The following TMEM132C variants were observed in gnomAD, a reference collection of about 807,000 sequenced individuals.
TMEM132C encodes protein phosphatase 1, regulatory subunit 152.
Under a neutral mutation model 61.4 loss-of-function variants are expected in TMEM132C, and 29 were observed. That is an observed-to-expected ratio of 0.47 (90% CI 0.35 to 0.64). The LOEUF (loss-of-function observed/expected upper bound fraction) is 0.64. Among genes scored for constraint, TMEM132C ranks in the 30% least tolerant of loss-of-function variants. The pLI, the probability that TMEM132C is intolerant of heterozygous loss-of-function variation, is 0.00. For missense variants in TMEM132C, 1,408 were observed against 1,476.9 expected, an observed-to-expected ratio of 0.95 and a Z score of 0.76; for synonymous variants, 656 against 633.1, an observed-to-expected ratio of 1.04 and a Z score of -0.54.
At chr12:128,445,734 G>C (rs778439615) in intron 2 of TMEM132C, among the ~76,000 whole-genome samples, 2 of 152,232 alleles carry the variant, frequency 1.3e-5, no homozygotes, top group Non-Finnish European at 2.9e-5. Context: ...CAGTGCCCTG[G>C]CACTTGCTGA....
At chr12:128,661,047 AGAT>A (rs756323571) in intron 4 of TMEM132C, among the ~76,000 whole-genome samples, 5 of 152,118 alleles carry the variant, frequency 3.3e-5, no homozygotes, top group Non-Finnish European at 4.4e-5. Flanking sequence ...TAGATTGGAT[AGAT>A]GATAGACACA....
intron 4 of TMEM132C, among the ~76,000 whole-genome samples, chr12:128,637,306 C>T (rs1239751918): frequency 3.3e-5 from 5 of 152,246 alleles, no homozygotes; most frequent in Middle Eastern, 3.4e-3. Flanking sequence ...TAAGTCATCC[C>T]GAAAGCTCTG....
At chr12:128,507,574 C>T (rs1872417593) in intron 2 of TMEM132C, among the ~76,000 whole-genome samples, 1 of 152,058 alleles carries the variant, frequency 6.6e-6, no homozygotes, top group African/African-American at 2.4e-5. Context: ...TGAAAAATCT[C>T]CGTGAGTCCC....
At chr12:128,650,994 G>C (rs1003679048) in intron 4 of TMEM132C, among the ~76,000 whole-genome samples, 3 of 152,070 alleles carry the variant, frequency 2.0e-5, no homozygotes, top group Non-Finnish European at 4.4e-5. Context: ...CAGCAGCATG[G>C]GTATAAATCT....
intron 2 of TMEM132C, among the ~76,000 whole-genome samples, chr12:128,507,140 G>C (rs1180245586): frequency 6.6e-6 from 1 of 152,074 alleles, no homozygotes; most frequent in Non-Finnish European, 1.5e-5. Flanking sequence ...ATCAGTCTGA[G>C]TTGGGTTTCT....
chr12:128,597,814 G>A (rs187016166), intron 3 of TMEM132C, among the ~76,000 whole-genome samples: 2 of 152,220 alleles, frequency 1.3e-5, no homozygotes, highest in South Asian at 4.1e-4. Context: ...TAAGGTGTCT[G>A]CCTGAGGCGG....
At chr12:128,413,827 G>C (rs756977488) in intron 1 of TMEM132C, among the ~76,000 whole-genome samples, 10 of 151,874 alleles carry the variant, frequency 6.6e-5, no homozygotes, top group Non-Finnish European at 1.3e-4. Context: ...CTTTATTTAT[G>C]GTATTTTTGT....
At chr12:128,611,716 G>A (rs892010766) in intron 3 of TMEM132C, among the ~76,000 whole-genome samples, 2 of 152,276 alleles carry the variant, frequency 1.3e-5, no homozygotes, top group East Asian at 3.9e-4. Flanking sequence ...TCTGAGCTAC[G>A]CTATAGCTAA....
intron 3 of TMEM132C, among the ~76,000 whole-genome samples, chr12:128,546,214 T>C (rs1565969886): frequency 2.0e-5 from 3 of 152,182 alleles, no homozygotes; most frequent in Admixed American, 1.3e-4. Context: ...TGTGAAAACA[T>C]GGCCAGAAAG....
At chr12:128,401,419 A>G (rs59269273) in intron 1 of TMEM132C, among the ~76,000 whole-genome samples, 20,009 of 151,978 alleles carry the variant, frequency 0.13, 2,704 homozygotes, top group African/African-American at 0.33. Context: ...ATTTTAACAG[A>G]TATATCTAGA....
intron 1 of TMEM132C, among the ~76,000 whole-genome samples, chr12:128,286,204 T>C (rs1314172578): frequency 6.6e-6 from 1 of 152,226 alleles, no homozygotes; most frequent in Non-Finnish European, 1.5e-5. Flanking sequence ...ATGTGGCCTC[T>C]GAGAGCTCCT....
intron 1 of TMEM132C, among the ~76,000 whole-genome samples, chr12:128,385,560 C>T (rs998699322): frequency 7.2e-5 from 11 of 152,200 alleles, no homozygotes; most frequent in African/African-American, 2.7e-4. Context: ...CTATAAGAGA[C>T]CTGAGCCCGT....
intron 2 of TMEM132C, among the ~76,000 whole-genome samples, chr12:128,483,181 T>C (rs377081346): frequency 6.7e-6 from 1 of 149,302 alleles, no homozygotes; most frequent in Non-Finnish European, 1.5e-5. Flanking sequence ...GGTGGGGCGA[T>C]TGCTTGAGTC....
intron 2 of TMEM132C, among the ~76,000 whole-genome samples, chr12:128,419,347 C>T (rs1593046774): frequency 6.6e-6 from 1 of 152,238 alleles, no homozygotes; most frequent in South Asian, 2.1e-4. Context: ...ATAAAATGAG[C>T]ATTATGAACA....
intron 2 of TMEM132C, among the ~76,000 whole-genome samples, chr12:128,484,706 C>G (rs1446919236): frequency 2.6e-5 from 4 of 152,164 alleles, no homozygotes; most frequent in Non-Finnish European, 2.9e-5. Context: ...CCTGTAATCT[C>G]AGCACTTTGG....
intron 3 of TMEM132C, among the ~76,000 whole-genome samples, chr12:128,572,906 C>T (rs943752084): frequency 6.6e-6 from 1 of 152,228 alleles, no homozygotes; most frequent in African/African-American, 2.4e-5. Context: ...AATGAGATAC[C>T]ATCTCACACC....
At chr12:128,652,880 G>A (rs934928278) in intron 4 of TMEM132C, among the ~76,000 whole-genome samples, 3 of 152,216 alleles carry the variant, frequency 2.0e-5, no homozygotes, top group African/African-American at 7.2e-5. Flanking sequence ...AAAAGTCTAT[G>A]TAATTACCTA....
intron 1 of TMEM132C, among the ~76,000 whole-genome samples, chr12:128,365,908 G>A (rs1422605514): frequency 2.0e-5 from 3 of 152,192 alleles, no homozygotes; most frequent in Admixed American, 6.5e-5. Context: ...TGATTTATAC[G>A]CGCAGGCTTG....
At chr12:128,679,154 G>A (rs1954615131) in intron 5 of TMEM132C, among the ~76,000 whole-genome samples, 1 of 152,200 alleles carries the variant, frequency 6.6e-6, no homozygotes, top group African/African-American at 2.4e-5. Flanking sequence ...GGTAGCACTG[G>A]TAATGGGGGT....
Sources: allele counts gnomAD v4.1 joint callset (sites outside exome capture counted in the v4.1 genomes callset), GRCh38; gene constraint gnomAD v4.1.1; transcripts MANE v1.5; gene names NCBI Gene and HGNC (gene_info 2026-07-23, HGNC 2026-07-21).